THEMIS: variants seen among roughly 807,000 people sequenced by gnomAD.
The protein encoded by THEMIS is thymocyte selection associated.
THEMIS carries 37 observed loss-of-function variants against 52.6 expected under a neutral mutation model. The observed-to-expected ratio is 0.70, with a 90% CI of 0.54 to 0.93. The LOEUF is 0.93. THEMIS is among the 40% of genes least tolerant of loss of function. The pLI is 0.00. For synonymous variants in THEMIS, 292 were observed against 272.7 expected (o/e 1.07, Z -0.70); for missense variants, 808 against 763.1 (o/e 1.06, Z -0.69).
chr6:127,886,469 A>G (rs1780646892), intron 1 of THEMIS, among the ~76,000 whole-genome samples: 1 of 152,130 alleles, frequency 6.6e-6, no homozygotes, highest in Non-Finnish European at 1.5e-5. Context: ...GTTTTTGTGT[A>G]TCTGGAACAT....
At chr6:127,808,708 A>G (rs1777800807) in intron 4 of THEMIS, among the ~76,000 whole-genome samples, 1 of 151,914 alleles carries the variant, frequency 6.6e-6, no homozygotes, top group Non-Finnish European at 1.5e-5. Context: ...CCATACCCCC[A>G]CTCGTGTCCC....
chr6:127,848,075 C>G (rs764163562), intron 2 of THEMIS, among the ~76,000 whole-genome samples: 13 of 131,180 alleles, frequency 9.9e-5, no homozygotes, highest in Non-Finnish European at 1.3e-4. Flanking sequence ...CCCCTCCCCC[C>G]CACCCCACAA....
intron 4 of THEMIS, among the ~76,000 whole-genome samples, chr6:127,764,477 A>G (rs1488806365): frequency 1.3e-5 from 2 of 152,060 alleles, no homozygotes; most frequent in East Asian, 3.8e-4. Context: ...ATGTTTCTTA[A>G]GTTTATACAG....
intron 4 of THEMIS, among the ~76,000 whole-genome samples, chr6:127,770,746 G>A (rs62425517): frequency 2.0e-5 from 3 of 152,082 alleles, no homozygotes; most frequent in African/African-American, 4.8e-5. Flanking sequence ...GGTTTTTGTG[G>A]TTTTAAGTCT....
chr6:127,710,566 C>T (rs1298478418), intron 5 of THEMIS, among the ~76,000 whole-genome samples: 2 of 151,916 alleles, frequency 1.3e-5, no homozygotes, highest in African/African-American at 4.8e-5. Context: ...ATCAACAGGC[C>T]TCCAGCATAA....
intron 1 of THEMIS, among the ~76,000 whole-genome samples, chr6:127,863,615 G>A (rs1021626885): frequency 4.6e-5 from 7 of 152,150 alleles, no homozygotes; most frequent in Non-Finnish European, 1.0e-4. Flanking sequence ...CAGGGCCACT[G>A]TTTACTGCAT....
intron 4 of THEMIS, among the ~76,000 whole-genome samples, chr6:127,726,828 T>C (rs946448192): frequency 6.6e-6 from 1 of 152,192 alleles, no homozygotes; most frequent in African/African-American, 2.4e-5. Flanking sequence ...CTCAAATCAA[T>C]GTGCTTCTTG....
intron 3 of THEMIS, among the ~76,000 whole-genome samples, chr6:127,826,861 T>A (rs913311114): frequency 1.3e-5 from 2 of 152,126 alleles, no homozygotes; most frequent in Non-Finnish European, 2.9e-5. Context: ...AAATGTGTGA[T>A]GAGGGTTGGG....
intron 3 of THEMIS, among the ~76,000 whole-genome samples, chr6:127,816,499 C>A (rs1369573042): frequency 6.6e-6 from 1 of 152,176 alleles, no homozygotes. Flanking sequence ...TCTTCCCAGA[C>A]TCAGCTATTG....
At chr6:127,758,993 C>T (rs897211919) in intron 4 of THEMIS, among the ~76,000 whole-genome samples, 1 of 151,896 alleles carries the variant, frequency 6.6e-6, no homozygotes, top group Non-Finnish European at 1.5e-5. Context: ...GTCAAGAAGT[C>T]TGGAAAGAAT....
intron 2 of THEMIS, among the ~76,000 whole-genome samples, chr6:127,839,463 G>T (rs1778973511): frequency 6.6e-6 from 1 of 151,770 alleles, no homozygotes; most frequent in South Asian, 2.1e-4. Flanking sequence ...TGTTTTACAG[G>T]GTAATGTTAC....
chr6:127,809,172 C>T (rs1346269250), intron 4 of THEMIS, among the ~76,000 whole-genome samples: 1 of 152,018 alleles, frequency 6.6e-6, no homozygotes, highest in Non-Finnish European at 1.5e-5. Context: ...ATTTGTTATC[C>T]AAATTTAAAG....
intron 1 of THEMIS, among the ~76,000 whole-genome samples, chr6:127,861,220 C>T (rs182197968): frequency 2.0e-5 from 3 of 152,260 alleles, no homozygotes; most frequent in Admixed American, 2.0e-4. Context: ...TTATACACAT[C>T]AACATCTCTG....
chr6:127,821,100 T>C (rs945445212), intron 3 of THEMIS, among the ~76,000 whole-genome samples: 1 of 151,926 alleles, frequency 6.6e-6, no homozygotes, highest in Non-Finnish European at 1.5e-5. Context: ...TATAGATTTA[T>C]AAAATTTTAG....
At chr6:127,812,815 A>G in intron 4 of THEMIS, 68 bp downstream of exon 4, 1 of 1,464,146 alleles carries the variant, frequency 6.8e-7, no homozygotes, top group Non-Finnish European at 9.2e-7. Context: ...ACACACTCAG[A>G]AAAGACTTGA....
intron 1 of THEMIS, among the ~76,000 whole-genome samples, chr6:127,870,505 G>A (rs1057305070): frequency 5.3e-5 from 8 of 152,092 alleles, no homozygotes; most frequent in African/African-American, 1.9e-4. Flanking sequence ...CATATCAATA[G>A]TTACATTAAA....
chr6:127,918,267 C>T (rs1000066), intron 1 of THEMIS, among the ~76,000 whole-genome samples: 1 of 152,084 alleles, frequency 6.6e-6, no homozygotes, highest in African/African-American at 2.4e-5. Flanking sequence ...ATCAACTTGA[C>T]CCTGCTGGTA....
intron 4 of THEMIS, among the ~76,000 whole-genome samples, chr6:127,748,619 A>G (rs1037687301): frequency 2.0e-5 from 3 of 152,056 alleles, no homozygotes; most frequent in Non-Finnish European, 2.9e-5. Context: ...TTAAATCGTA[A>G]CAAAGGCTCT....
In THEMIS at chr6:127,757,741, C is replaced by T. The variant is rs867907963; in HGVS notation, c.1759-37918G>A. Among the ~76,000 whole-genome samples, 13 of 152,234 alleles carry T rather than the reference C, an allele frequency of 8.5e-5. 1 individual carries two copies. The Middle Eastern group carries it at 0.014, about 159-fold the overall frequency. On this transcript the variant is annotated intron_variant, in intron 4 of 5. Transcript: ENST00000368248. ...CTCGTGATTGGCCCGCCTCGGCCTC[C>T]CAAAGTGCTGGGATTACAGGCATGA...
Sources: allele counts gnomAD v4.1 joint callset (sites outside exome capture counted in the v4.1 genomes callset), GRCh38; gene constraint gnomAD v4.1.1; transcripts MANE v1.5; gene names NCBI Gene and HGNC (gene_info 2026-07-23, HGNC 2026-07-21).